Variants in PLAGL1 observed in about 807,000 individuals in gnomAD.
PLAGL1 encodes zinc finger protein PLAGL1.
In PLAGL1, 1 loss-of-function variant was observed where a neutral mutation model predicts 4.6. The ratio of observed to expected loss-of-function variants is 0.22; its 90% CI spans 0.08 to 1.03. The LOEUF (loss-of-function observed/expected upper bound fraction) is 1.03. Ranked by LOEUF, PLAGL1 falls within the 50% of genes least tolerant of loss-of-function variation. The probability of loss-of-function intolerance (pLI) is 0.58; values close to 1 mark genes in which losing one functional copy is unlikely to be tolerated. For synonymous variants in PLAGL1, 240 were observed against 237.8 expected (o/e 1.01, Z -0.08); for missense variants, 464 against 570.4 (o/e 0.81, Z 1.90).
chr6:144,025,526 A>G (rs1796270997), intron 1 of PLAGL1, among the ~76,000 whole-genome samples: 1 of 151,884 alleles, frequency 6.6e-6, no homozygotes, highest in African/African-American at 2.4e-5. Flanking sequence ...GTATCTAGAA[A>G]CTCTCTGTAC....
intron 1 of PLAGL1, among the ~76,000 whole-genome samples, chr6:143,996,352 C>T (rs572051189): frequency 3.9e-5 from 6 of 152,178 alleles, no homozygotes; most frequent in Non-Finnish European, 5.9e-5. Context: ...ATCAAATGAA[C>T]GTTTATTAAG....
intron 3 of PLAGL1, chr6:143,967,997 C>CAAAAAAAAAAAAAAAAA (rs60021436): frequency 3.3e-5 from 3 of 90,020 alleles, no homozygotes; most frequent in African/African-American, 4.8e-5. Flanking sequence ...GGACATTTTG[C>CAAAAAAAAAAAAAAAAA]AAAAAAAAAA....
In PLAGL1 at chr6:143,955,848, G is replaced by T. The variant is rs1782010352; in HGVS notation, c.-325+4621C>A. ...AGGCCTGCACAAGGAGAGAGGGCAG[G>T]TTCCAGTGACACTCTGTAAACAGAA... On this transcript the variant is annotated intron_variant, in intron 6 of 7. Coordinates refer to ENST00000674357, the MANE Select transcript of PLAGL1 (RefSeq NM_001317162.2). The surrounding 1 kb of genome is among the most constrained non-coding windows in gnomAD (Gnocchi z 4.9). Among the ~76,000 whole-genome samples, 1 of 152,250 alleles carries T rather than the reference G, an allele frequency of 6.6e-6. No individual in the cohort carries two copies. Among genetic ancestry groups the T allele is most frequent in the East Asian group, 1.9e-4 (1 of 5,162 alleles).
At position 143,957,536 on chromosome 6, in the gene PLAGL1, TGGA is replaced by T. The variant is rs750274057; in HGVS notation, c.-325+2930_-325+2932del. ...TCCTGGGACTCTTAAGTGTAGGACA[TGGA>T]GGAACCAGAACTCTAATTAGCAGCA... On this transcript the variant is annotated intron_variant, in intron 6 of 7. Coordinates refer to ENST00000674357, the MANE Select transcript of PLAGL1 (RefSeq NM_001317162.2). The surrounding 1 kb of genome is among the most constrained non-coding windows in gnomAD (Gnocchi z 4.2). Among the ~76,000 whole-genome samples, 4 of 152,204 alleles carry T rather than the reference TGGA, an allele frequency of 2.6e-5. No individual in the cohort carries two copies. Among genetic ancestry groups the T allele is most frequent in the Non-Finnish European group, 4.4e-5 (3 of 68,034 alleles).
rs1780134391 is a variant in PLAGL1, at chr6:143,947,926, G to A, written c.152+59C>T. 2.8e-6 allele frequency: 4 copies of A among 1,435,378 alleles called. No homozygotes were observed. In the South Asian group the frequency reaches 4.7e-5, roughly 17 times the overall value. 88.9% of individuals were successfully genotyped at this position (1,435,378 alleles called of 1,614,324 possible). On this transcript the variant is annotated intron_variant, in intron 7 of 7. Transcript: ENST00000674357. This position sits in a 1 kb window ranked among gnomAD's most constrained non-coding sequence, Gnocchi z 4.3. ...TCCCCTTGCATCGTGTGGTCTGAGG[G>A]CTAGAAAAGCCATTTAAACGTACTT...
Position 144,013,769 on chromosome 6 carries a change from T to G in PLAGL1, c.-150-44791A>C, listed in dbSNP as rs983154101. ...TGCCATGTGCTTTCTCCTGTGTGTA[T>G]CTCTCTTATAGGGGTAGATGTCACT... is the stretch of plus-strand genomic sequence containing the variant. On this transcript the variant is annotated intron_variant, in intron 1 of 3. Transcript: ENST00000437412. This position sits in a 1 kb window ranked among gnomAD's most constrained non-coding sequence, Gnocchi z 4.4. Among the ~76,000 whole-genome samples, 2 of 152,354 alleles carry G rather than the reference T, an allele frequency of 1.3e-5. No individual in the cohort carries two copies. Among genetic ancestry groups the G allele is most frequent in the African/African-American group, 4.8e-5 (2 of 41,588 alleles).
At chr6:144,010,193 T>C (rs1421925236), upstream of PLAGL1, among the ~76,000 whole-genome samples, 1 of 152,186 alleles carries the variant, frequency 6.6e-6, no homozygotes, top group Non-Finnish European at 1.5e-5. The surrounding 1 kb of genome is among the most constrained non-coding windows in gnomAD (Gnocchi z 4.1). Flanking sequence ...GTTTCCTGAC[T>C]TTTTAATGAT....
At chr6:144,054,528 T>C (rs1798806535) in intron 1 of PLAGL1, among the ~76,000 whole-genome samples, 1 of 152,144 alleles carries the variant, frequency 6.6e-6, no homozygotes, top group Non-Finnish European at 1.5e-5. Context: ...CGTTCTCACT[T>C]GTAAGTGGGA....
chr6:143,956,965 GAAGC>G (rs1434209166), intron 6 of PLAGL1, among the ~76,000 whole-genome samples: 6 of 152,218 alleles, frequency 3.9e-5, no homozygotes, highest in Admixed American at 6.5e-5. Context: ...ATATAGCACG[GAAGC>G]AAGGGGCTGG....
chr6:144,012,090 T>C (rs533166991), upstream of PLAGL1, among the ~76,000 whole-genome samples: 9 of 152,334 alleles, frequency 5.9e-5, no homozygotes, highest in Middle Eastern at 3.4e-3. This position sits in a 1 kb window ranked among gnomAD's most constrained non-coding sequence, Gnocchi z 4.8. Context: ...CACGCCTCCA[T>C]AGAATCTTCT....
At position 144,050,425 on chromosome 6, in the gene PLAGL1, T is replaced by C. The variant is rs1798495228; in HGVS notation, c.-151+14043A>G. ...CCCAAATCCCTTCTCAGAGCATTTT[T>C]ATCGCTCATATGTTATTCTCTTTTC... is the stretch of plus-strand genomic sequence containing the variant. On this transcript the variant is annotated intron_variant, in intron 1 of 3. Transcript: ENST00000437412. The surrounding 1 kb of genome is among the most constrained non-coding windows in gnomAD (Gnocchi z 4.3). Among the ~76,000 whole-genome samples, 1 of 152,256 alleles carries C rather than the reference T, an allele frequency of 6.6e-6. No individual in the cohort carries two copies. Among genetic ancestry groups the C allele is most frequent in the African/African-American group, 2.4e-5 (1 of 41,466 alleles).
chr6:144,000,881 C>T lies in PLAGL1; in HGVS notation c.-584+7209G>A, dbSNP rs1243823115. ...AAAATGTCAGATATTTGTAATTCTT[C>T]ATGTCATCAAACTAAGAAAAGTCAT... On this transcript the variant is annotated intron_variant, in intron 1 of 7. Transcript: ENST00000674357. The surrounding 1 kb of genome is among the most constrained non-coding windows in gnomAD (Gnocchi z 4.1). 1.3e-5 allele frequency among the ~76,000 whole-genome samples: 2 copies of T among 152,052 alleles called. No individual in the cohort carries two copies. Among genetic ancestry groups the T allele is most frequent in the Admixed American group, 6.6e-5 (1 of 15,248 alleles).
chr6:144,054,289 T>C (rs970559769), intron 1 of PLAGL1, among the ~76,000 whole-genome samples: 2 of 152,214 alleles, frequency 1.3e-5, no homozygotes. Flanking sequence ...AGAAAAACAA[T>C]GTGTGTGTCG....
chr6:144,045,140 T>C (rs1798045212), intron 1 of PLAGL1, among the ~76,000 whole-genome samples: 1 of 152,052 alleles, frequency 6.6e-6, no homozygotes, highest in African/African-American at 2.4e-5. Context: ...TTTATCCAAT[T>C]TGCCAGTCTG....
Position 144,023,768 on chromosome 6 carries a change from C to CTTTTT in PLAGL1, c.-151+40695_-151+40699dup, listed in dbSNP as rs34002736. Among the ~76,000 whole-genome samples, 96 of 72,662 alleles carry CTTTTT rather than the reference C, an allele frequency of 1.3e-3. 5 individuals carry two copies. The highest frequency in any genetic ancestry group is 4.7e-3 in the African/African-American group (85 of 18,084). 47.7% of individuals were successfully genotyped at this position (72,662 alleles called of 152,430 possible). A position where few individuals can be genotyped will look rare whatever the true frequency, so the allele number is the denominator to read the frequency against. On this transcript the variant is annotated intron_variant, in intron 1 of 3. Transcript: ENST00000437412. ...GACATCATTATGAACTCATATTTAG[C>CTTTTT]TTTTTTTTTTTTTTTTTTTTTTTTT...
In PLAGL1 at chr6:143,985,440, A is replaced by T. The variant is rs1334140510; in HGVS notation, c.-583-266T>A. 6.6e-6 allele frequency among the ~76,000 whole-genome samples: 1 copy of T among 152,166 alleles called. No individual in the cohort carries two copies. The highest frequency in any genetic ancestry group is 1.5e-5 in the Non-Finnish European group (1 of 68,024). ...ATCACATGTGTAGGCTCACATATCT[A>T]CCACTAGTCAAAATATTGAACAGTT... On this transcript the variant is annotated intron_variant, in intron 1 of 7. Coordinates refer to ENST00000674357, the MANE Select transcript of PLAGL1 (RefSeq NM_001317162.2). The surrounding 1 kb of genome is among the most constrained non-coding windows in gnomAD (Gnocchi z 4.4).
At chr6:143,946,519 A>G (rs1049450324) in intron 7 of PLAGL1, among the ~76,000 whole-genome samples, 2 of 152,264 alleles carry the variant, frequency 1.3e-5, no homozygotes, top group Admixed American at 6.5e-5. Context: ...GCCCATGTAT[A>G]GAAGACATTT....
rs1221463103 is a variant in PLAGL1 at position 144,027,281 on chromosome 6, AAGAAAG to A, written c.-151+37181_-151+37186del. Among the ~76,000 whole-genome samples, 16 of 146,208 alleles carry A rather than the reference AAGAAAG, an allele frequency of 1.1e-4. No homozygotes were observed. The highest frequency in any genetic ancestry group is 6.5e-4 in the Admixed American group (9 of 13,806). On this transcript the variant is annotated intron_variant, in intron 1 of 3. Coordinates refer to the PLAGL1 transcript ENST00000437412. This position sits in a 1 kb window ranked among gnomAD's most constrained non-coding sequence, Gnocchi z 5.8. Reference sequence around the variant, plus strand: ...AAAGAAAGAAAGAAAGAAAGAAAGAAAGAAAGAAAGAAAGTTATTTGATCTGAAGTA... The same window carrying A: ...AAAGAAAGAAAGAAAGAAAGAAAGAAAAAGAAAGTTATTTGATCTGAAGTA...
At chr6:143,988,428 G>A (rs1202661262) in intron 1 of PLAGL1, among the ~76,000 whole-genome samples, 1 of 152,178 alleles carries the variant, frequency 6.6e-6, no homozygotes, top group Non-Finnish European at 1.5e-5. Flanking sequence ...ATGGTAGGTT[G>A]GCTCCACTTC....
Sources: allele counts gnomAD v4.1 joint callset (sites outside exome capture counted in the v4.1 genomes callset), GRCh38; gene constraint gnomAD v4.1.1; non-coding constraint Gnocchi (gnomAD v3.1); transcripts MANE v1.5; gene names NCBI Gene and HGNC (gene_info 2026-07-23, HGNC 2026-07-21).